SYNE1: variants seen among roughly 807,000 people sequenced by gnomAD.
The protein encoded by SYNE1 is nesprin-1.
Under a neutral mutation model 1,111.0 loss-of-function variants are expected in SYNE1, and 616 were observed. That is an observed-to-expected ratio of 0.55 (90% CI 0.52 to 0.59). SYNE1 has a LOEUF of 0.59. Ranked by LOEUF, SYNE1 falls within the 20% of genes least tolerant of loss-of-function variation. The pLI is 0.00. For synonymous variants in SYNE1, 3,855 were observed against 3,825.8 expected (o/e 1.01, Z -0.28); for missense variants, 10,006 against 10,417.0 (o/e 0.96, Z 1.72).
At chr6:152,143,141 G>T (rs558580863) in intron 138 of SYNE1, among the ~76,000 whole-genome samples, 1 of 152,110 alleles carries the variant, frequency 6.6e-6, no homozygotes. Flanking sequence ...AATCCCTCTT[G>T]CTAGAACTGT....
intron 5 of SYNE1, among the ~76,000 whole-genome samples, chr6:152,525,063 T>G (rs1463322799): frequency 6.6e-6 from 1 of 152,162 alleles, no homozygotes; most frequent in Non-Finnish European, 1.5e-5. Context: ...TGTCTACCAC[T>G]GATGTAGCTG....
chr6:152,472,359 T>C lies in SYNE1; in HGVS notation c.1405A>G (p.Thr469Ala). Residue 469 changes from threonine (T) to alanine (A), a missense_variant, in exon 15 of 146, where the codon ACC (threonine) becomes GCC (alanine). Physicochemically the swap from Thr to Ala is moderately conservative, Grantham distance 58. Around this residue, in one of 7 missense-constraint regions of SYNE1, gnomAD observed 1,971 missense variants for 2,084.1 expected, o/e 0.95. Coordinates refer to ENST00000367255, the MANE Select transcript of SYNE1 (RefSeq NM_182961.4). Reference protein sequence around the residue: ...HKRAFHEIYRTRSVNGIPVPP... With the variant: ...HKRAFHEIYRARSVNGIPVPP... ...ACTGGAATCCCGTTAACAGACCTGG[T>C]CCGGTAGATTTCATGGAATGCTCTT... is the stretch of plus-strand genomic sequence containing the variant. 1 of 1,614,058 alleles carries C rather than the reference T, an allele frequency of 6.2e-7. No individual in the cohort carries two copies. Among genetic ancestry groups the C allele is most frequent in the South Asian group, 1.1e-5 (1 of 91,070 alleles).
chr6:152,208,035 C>A lies in SYNE1; in HGVS notation c.22761G>T (p.Met7587Ile). 6.2e-7 allele frequency: 1 copy of A among 1,614,150 alleles called. No individual in the cohort carries two copies. The highest frequency in any genetic ancestry group is 8.5e-7 in the Non-Finnish European group (1 of 1,180,038). The change falls in exon 125 of 146, where the codon ATG becomes ATT. Residue 7587 changes from methionine (M) to isoleucine (I), a missense_variant. This residue lies in a region of SYNE1 where 2,182 missense variants were observed against 2,287.8 expected (regional missense o/e 0.95). Transcript: ENST00000367255. ...GTATAGGAACACTTCCGAGACCACT[C>A]ATGGGGAGGTAGGACACTTCAACCA... ...KWLVEVSYLP[M>I]SGLGSVPIPL... is the part of the protein sequence containing the mutation.
At chr6:152,181,056 T>A (rs946685518) in intron 128 of SYNE1, among the ~76,000 whole-genome samples, 2 of 144,146 alleles carry the variant, frequency 1.4e-5, no homozygotes, top group African/African-American at 5.3e-5. Context: ...ACCACCATCA[T>A]CAATTTTAGG....
At chr6:152,160,876 A>G (rs1364081623) in intron 131 of SYNE1, among the ~76,000 whole-genome samples, 1 of 151,860 alleles carries the variant, frequency 6.6e-6, no homozygotes, top group African/African-American at 2.4e-5. Context: ...TTTGTTTTAC[A>G]TTTTCCTGGG....
intron 144 of SYNE1, among the ~76,000 whole-genome samples, chr6:152,131,567 T>C (rs1381968360): frequency 2.0e-5 from 3 of 152,188 alleles, no homozygotes; most frequent in African/African-American, 7.2e-5. Context: ...ATCCTCTTTG[T>C]GTTCAGTGAG....
intron 89 of SYNE1, 118 bp from the exon 90 acceptor site, chr6:152,310,135 T>C: frequency 8.8e-7 from 1 of 1,140,392 alleles, no homozygotes; most frequent in Non-Finnish European, 1.2e-6. Context: ...AAAAAAAAAA[T>C]GTTTAAAACA....
Position 152,308,768 on chromosome 6 carries a change from G to T in SYNE1, c.17203-136C>A, listed in dbSNP as rs1264178249. Reference sequence around the variant, plus strand: ...GAAATGATGGGTAAAATTCCTAGATGGTTTGAATTCCTCACTTTATGTAGA... The same window carrying T: ...GAAATGATGGGTAAAATTCCTAGATTGTTTGAATTCCTCACTTTATGTAGA... On this transcript the variant is annotated intron_variant, in intron 90 of 145. Coordinates refer to ENST00000367255, the MANE Select transcript of SYNE1 (RefSeq NM_182961.4). 7.3e-6 allele frequency: 7 copies of T among 965,028 alleles called. No individual in the cohort carries two copies. The African/African-American group carries it at 8.3e-5, about 11-fold the overall frequency. The allele number at this position is 965,028 out of a possible 1,614,324, so 59.8% of individuals were successfully genotyped here. A position where few individuals can be genotyped will look rare whatever the true frequency, so the allele number is the denominator to read the frequency against.
At chr6:152,600,207 C>T (rs1014411233) in intron 3 of SYNE1, among the ~76,000 whole-genome samples, 2 of 152,030 alleles carry the variant, frequency 1.3e-5, no homozygotes, top group Non-Finnish European at 2.9e-5. Context: ...GAAGAGGTGA[C>T]GAAACAAAAC....
chr6:152,332,485 T>C (rs1369494297), intron 77 of SYNE1, among the ~76,000 whole-genome samples: 1 of 152,232 alleles, frequency 6.6e-6, no homozygotes, highest in East Asian at 1.9e-4. Context: ...TTCCTCTGGC[T>C]CTTATCAACT....
chr6:152,293,706 T>G lies in SYNE1; in HGVS notation c.17894A>C (p.Gln5965Pro). The G allele has an allele frequency of 6.2e-7, 1 of 1,614,128 alleles. No individual in the cohort carries two copies. Among genetic ancestry groups the G allele is most frequent in the South Asian group, 1.1e-5 (1 of 91,080 alleles). The change falls in exon 95 of 146, where the codon CAG becomes CCG. Residue 5965 changes from glutamine (Q) to proline (P), a missense_variant. Around this residue, in one of 7 missense-constraint regions of SYNE1, gnomAD observed 4,955 missense variants for 5,017.2 expected, o/e 0.99. Coordinates refer to ENST00000367255, the MANE Select transcript of SYNE1 (RefSeq NM_182961.4). ...QRTLYEALER[Q>P]QKYQDSLQSI... ...CTGGAGGGAGTCCTGGTACTTCTGC[T>G]GGCGTTCCAAAGCTTCATAGAGTGT...
At chr6:152,427,606 C>G in intron 38 of SYNE1, 87 bp downstream of exon 38, 1 of 1,496,798 alleles carries the variant, frequency 6.7e-7, no homozygotes, top group Non-Finnish European at 9.2e-7. Context: ...AAGGGAGGTA[C>G]AAGTTTATTT....
intron 143 of SYNE1, among the ~76,000 whole-genome samples, chr6:152,132,462 A>C (rs1037693419): frequency 6.6e-6 from 1 of 152,202 alleles, no homozygotes; most frequent in Non-Finnish European, 1.5e-5. Flanking sequence ...TGTTATTGCT[A>C]TGTTTCACTT....
chr6:152,308,667 T>C (rs1227730014), intron 90 of SYNE1, 35 bp from the exon 91 acceptor site: 2 of 1,587,132 alleles, frequency 1.3e-6, no homozygotes, highest in African/African-American at 2.7e-5. Flanking sequence ...AGATAGACAG[T>C]TTTTTTTCTC....
At chr6:152,576,301 C>G (rs77759818) in intron 3 of SYNE1, among the ~76,000 whole-genome samples, 366 of 152,248 alleles carry the variant, frequency 2.4e-3, no homozygotes, top group African/African-American at 8.0e-3. Flanking sequence ...AGCAGAAATA[C>G]TAGCACATAG....
At chr6:152,262,396 G>C (rs2092125417) in intron 100 of SYNE1, among the ~76,000 whole-genome samples, 1 of 152,026 alleles carries the variant, frequency 6.6e-6, no homozygotes, top group African/African-American at 2.4e-5. Flanking sequence ...TGTGCAGAAG[G>C]GATACTTAAA....
rs1189010970 is a variant in SYNE1 at position 152,140,168 on chromosome 6, A to G, written c.25247-7T>C. Reference sequence around the variant, plus strand: ...TCCCATCGGTCAATCACACCTGGCAAGACATGCATAGAACAGTGAGGTTAT... The same window carrying G: ...TCCCATCGGTCAATCACACCTGGCAGGACATGCATAGAACAGTGAGGTTAT... On this transcript the variant is annotated splice_polypyrimidine_tract_variant and splice_region_variant and intron_variant, in intron 139 of 145. Coordinates refer to ENST00000367255, the MANE Select transcript of SYNE1 (RefSeq NM_182961.4). 6.2e-7 allele frequency: 1 copy of G among 1,614,046 alleles called. No homozygotes were observed. Among genetic ancestry groups the G allele is most frequent in the Admixed American group, 1.7e-5 (1 of 60,030 alleles).
rs975099925 is a variant in SYNE1 at position 152,498,875 on chromosome 6, G to T, written c.889-83C>A. The stretch of plus-strand genomic sequence containing the variant: ...TTTAGAAAACAAGAATAAAATCAAT[G>T]GAAAGGCATCCGCCTTTAGAGAAAT... On this transcript the variant is annotated intron_variant, in intron 10 of 145. Coordinates refer to ENST00000367255, the MANE Select transcript of SYNE1 (RefSeq NM_182961.4). 13 of 751,170 alleles carry T rather than the reference G, an allele frequency of 1.7e-5. No homozygotes were observed. In the African/African-American group the frequency reaches 2.2e-4, roughly 13 times the overall value. 46.5% of individuals were successfully genotyped at this position (751,170 alleles called of 1,614,324 possible).
chr6:152,530,487 T>TTA (rs969308554), intron 4 of SYNE1, among the ~76,000 whole-genome samples: 2 of 145,008 alleles, frequency 1.4e-5, no homozygotes, highest in East Asian at 4.3e-4. Context: ...TTTTTTTTTT[T>TTA]ACTAAAACAG....
Sources: allele counts gnomAD v4.1 joint callset (sites outside exome capture counted in the v4.1 genomes callset), GRCh38; gene constraint gnomAD v4.1.1; regional missense constraint gnomAD v4.1.1; transcripts MANE v1.5; gene names NCBI Gene and HGNC (gene_info 2026-07-23, HGNC 2026-07-21).